Variants in SAR1B observed in about 807,000 individuals in gnomAD.
SAR1B encodes the protein secretion associated Ras related GTPase 1B, also known as small COPII coat GTPase SAR1B.
In SAR1B, 23 loss-of-function variants were observed where a neutral mutation model predicts 26.8. The observed-to-expected ratio is 0.86, with a 90% CI of 0.62 to 1.22. The LOEUF is 1.22. Ranked by LOEUF, SAR1B falls within the 50% of genes most tolerant of loss-of-function variation. SAR1B has a pLI of 0.00. For synonymous variants in SAR1B, 65 were observed against 80.8 expected (o/e 0.80, Z 1.05); for missense variants, 196 against 232.8 (o/e 0.84, Z 1.03).
chr5:134,602,859 C>T lies in SAR1B; in HGVS notation c.*4091G>A, dbSNP rs1765060899. ...CACCACTGCACTCCAGCCTGGGCAA[C>T]AGAGTGAGACTTCATCTCAAAAAAA... On this transcript the variant is annotated 3_prime_UTR_variant, in exon 7 of 7. Coordinates refer to ENST00000402673, the MANE Select transcript of SAR1B (RefSeq NM_016103.4). 1 of 151,534 alleles carries T rather than the reference C, an allele frequency of 6.6e-6. No individual in the cohort carries two copies. The highest frequency in any genetic ancestry group is 2.4e-5 in the African/African-American group (1 of 41,266). 9.4% of individuals were successfully genotyped at this position (151,534 alleles called of 1,614,324 possible).
chr5:134,609,166 C>T (rs1048389389), intron 5 of SAR1B: 3 of 453,776 alleles, frequency 6.6e-6, no homozygotes, highest in Non-Finnish European at 1.3e-5. Context: ...GCTACATATG[C>T]CTCTGCTCAC....
chr5:134,607,590 T>C (rs1376576369), intron 6 of SAR1B, among the ~76,000 whole-genome samples: 3 of 151,968 alleles, frequency 2.0e-5, no homozygotes, highest in Non-Finnish European at 2.9e-5. Context: ...CTGACCAACA[T>C]GGAGAAACCC....
At chr5:134,615,544 G>A (rs914028836) in intron 3 of SAR1B, among the ~76,000 whole-genome samples, 35 of 151,646 alleles carry the variant, frequency 2.3e-4, no homozygotes, top group African/African-American at 8.5e-4. Context: ...GGCCGGGGGC[G>A]GTGGCTCACG....
At chr5:134,620,192 G>A (rs1227909624) in intron 3 of SAR1B, among the ~76,000 whole-genome samples, 2 of 151,860 alleles carry the variant, frequency 1.3e-5, no homozygotes, top group Admixed American at 1.3e-4. Flanking sequence ...TGTAGTCCCA[G>A]CTACTCGGGA....
At chr5:134,618,868 C>T (rs777873980) in intron 3 of SAR1B, among the ~76,000 whole-genome samples, 1 of 151,864 alleles carries the variant, frequency 6.6e-6, no homozygotes, top group African/African-American at 2.4e-5. Flanking sequence ...CTTGGTAGCA[C>T]ATGCCTGTAA....
At chr5:134,615,054 A>G (rs1765284356) in intron 3 of SAR1B, among the ~76,000 whole-genome samples, 1 of 152,310 alleles carries the variant, frequency 6.6e-6, no homozygotes, top group Admixed American at 6.5e-5. Context: ...TTATCTTCTT[A>G]AGAAATTCTG....
chr5:134,624,613 T>C (rs1765465180), intron 1 of SAR1B, among the ~76,000 whole-genome samples: 1 of 145,764 alleles, frequency 6.9e-6, no homozygotes, highest in Admixed American at 7.3e-5. Flanking sequence ...GGAAATGGGA[T>C]AAGGGAAGTG....
intron 1 of SAR1B, among the ~76,000 whole-genome samples, chr5:134,626,289 A>G (rs1182528347): frequency 1.7e-5 from 2 of 119,038 alleles, no homozygotes; most frequent in Non-Finnish European, 3.4e-5. Flanking sequence ...ACAGAGCAAG[A>G]CTCTGCCTCA....
intron 3 of SAR1B, among the ~76,000 whole-genome samples, chr5:134,617,641 GTC>G (rs1765335700): frequency 6.6e-6 from 1 of 152,112 alleles, no homozygotes; most frequent in South Asian, 2.1e-4. Context: ...CCACTCTGTA[GTC>G]TCTTCCAGTT....
At chr5:134,632,540 G>A (rs906170361) in intron 1 of SAR1B, among the ~76,000 whole-genome samples, 188 bp downstream of exon 1, 2 of 152,208 alleles carry the variant, frequency 1.3e-5, no homozygotes, top group Admixed American at 1.3e-4. Flanking sequence ...GCTATCAGAC[G>A]GCCCCGCGGA....
At position 134,624,336 on chromosome 5, in the gene SAR1B, G is replaced by A. The variant is rs1299000446; in HGVS notation, c.-18-299C>T. On this transcript the variant is annotated intron_variant, in intron 1 of 6. Coordinates refer to ENST00000402673, the MANE Select transcript of SAR1B (RefSeq NM_016103.4). Reference sequence around the variant, plus strand: ...AGGCAGGAGAATTACTTGAACCCAAGAAGTGGAGGTTGCAGTGAGTGGAGA... The same window carrying A: ...AGGCAGGAGAATTACTTGAACCCAAAAAGTGGAGGTTGCAGTGAGTGGAGA... Among the ~76,000 whole-genome samples the A allele has an allele frequency of 2.0e-5, 3 of 152,254 alleles. No homozygotes were observed. The East Asian group carries it at 5.8e-4, about 29-fold the overall frequency.
intron 3 of SAR1B, among the ~76,000 whole-genome samples, chr5:134,619,815 T>G (rs1765375703): frequency 6.6e-6 from 1 of 152,124 alleles, no homozygotes; most frequent in African/African-American, 2.4e-5. Flanking sequence ...GTAATGTATC[T>G]ACTGAATTAG....
chr5:134,612,641 TAAAAAAAAAAA>T (rs34365859), intron 4 of SAR1B, 39 bp downstream of exon 4: 1,199 of 767,010 alleles, frequency 1.6e-3, no homozygotes, highest in East Asian at 5.9e-3. Flanking sequence ...TGAGCCTGTC[TAAAAAAAAAAA>T]AAAAAAAAAA....
chr5:134,612,215 G>A (rs1426859370), intron 4 of SAR1B, among the ~76,000 whole-genome samples: 1 of 152,062 alleles, frequency 6.6e-6, no homozygotes, highest in Non-Finnish European at 1.5e-5. Context: ...TAGAGAGAAT[G>A]GAAGTTAATT....
intron 4 of SAR1B, among the ~76,000 whole-genome samples, chr5:134,611,926 A>G (rs1765220989): frequency 6.6e-6 from 1 of 152,098 alleles, no homozygotes; most frequent in South Asian, 2.1e-4. Context: ...CTTTTGGGAG[A>G]CTGAGATGAG....
chr5:134,621,191 C>T (rs1245214558), intron 2 of SAR1B, 139 bp from the exon 3 acceptor site: 10 of 946,924 alleles, frequency 1.1e-5, no homozygotes, highest in African/African-American at 3.3e-5. Flanking sequence ...TATTCATGGC[C>T]GGGCACGGTG....
chr5:134,624,418 G>A (rs748568213), intron 1 of SAR1B, among the ~76,000 whole-genome samples: 24 of 152,060 alleles, frequency 1.6e-4, no homozygotes, highest in Non-Finnish European at 2.8e-4. Context: ...CTACTCAGGA[G>A]GCTGAGGTGG....
Position 134,606,854 on chromosome 5 carries a change from C to A in SAR1B, c.*96G>T. 1 of 818,636 alleles carries A rather than the reference C, an allele frequency of 1.2e-6. No individual in the cohort carries two copies. Among genetic ancestry groups the A allele is most frequent in the East Asian group, 2.4e-5 (1 of 40,922 alleles). 50.7% of individuals were successfully genotyped at this position (818,636 alleles called of 1,614,324 possible). ...AATCTAAAAAACATCTGTTTTATAA[C>A]CAGCAAAAGTCTATTGAATTCAAGT... On this transcript the variant is annotated 3_prime_UTR_variant, in exon 7 of 7. Coordinates refer to ENST00000402673, the MANE Select transcript of SAR1B (RefSeq NM_016103.4).
intron 3 of SAR1B, among the ~76,000 whole-genome samples, chr5:134,618,613 T>C (rs1240914657): frequency 1.3e-5 from 2 of 152,236 alleles, no homozygotes; most frequent in Non-Finnish European, 2.9e-5. Context: ...TTAAATTAGG[T>C]TTCTGTTTCT....
Sources: allele counts gnomAD v4.1 joint callset (sites outside exome capture counted in the v4.1 genomes callset), GRCh38; gene constraint gnomAD v4.1.1; transcripts MANE v1.5; gene names NCBI Gene and HGNC (gene_info 2026-07-23, HGNC 2026-07-21).